Variants in SAMMSON observed in about 807,000 individuals in gnomAD.
SAMMSON encodes long intergenic non-protein coding RNA 1212.
chr3:70,241,888 G>A (rs1430246248), intron 4 of SAMMSON, among the ~76,000 whole-genome samples: 3 of 152,184 alleles, frequency 2.0e-5, no homozygotes, highest in African/African-American at 7.2e-5. Flanking sequence ...GGCTTAGAAC[G>A]AAGGTTTGCC....
chr3:70,358,594 TGTTA>T (rs1702846849), intron 9 of SAMMSON, among the ~76,000 whole-genome samples: 1 of 152,138 alleles, frequency 6.6e-6, no homozygotes, highest in Admixed American at 6.6e-5. Flanking sequence ...ATATAGGAGT[TGTTA>T]GTCATGTTAG....
intron 4 of SAMMSON, among the ~76,000 whole-genome samples, chr3:70,202,886 T>A (rs551078243): frequency 2.2e-4 from 34 of 151,828 alleles, no homozygotes; most frequent in Non-Finnish European, 4.7e-4. Context: ...TTAATTAGAG[T>A]GGAAAAGGTG....
At chr3:70,253,354 G>T (rs966991099) in intron 6 of SAMMSON, among the ~76,000 whole-genome samples, 9 of 152,142 alleles carry the variant, frequency 5.9e-5, no homozygotes, top group Admixed American at 5.9e-4. Context: ...CAAGGTGGGG[G>T]ATAAATGTGC....
At chr3:70,382,111 A>G (rs1210281953) in intron 9 of SAMMSON, among the ~76,000 whole-genome samples, 1 of 152,158 alleles carries the variant, frequency 6.6e-6, no homozygotes, top group Non-Finnish European at 1.5e-5. Context: ...CATGAAATAC[A>G]TATGGAAGAT....
intron 3 of SAMMSON, among the ~76,000 whole-genome samples, chr3:70,032,486 A>G (rs1217663331): frequency 6.6e-6 from 1 of 152,208 alleles, no homozygotes; most frequent in African/African-American, 2.4e-5. Flanking sequence ...AGTATTTCTT[A>G]AATTACAAAG....
At chr3:70,170,157 A>G (rs755901113) in intron 4 of SAMMSON, among the ~76,000 whole-genome samples, 1 of 152,092 alleles carries the variant, frequency 6.6e-6, no homozygotes, top group Non-Finnish European at 1.5e-5. Flanking sequence ...TAGTTAAATC[A>G]ATACCCAGAT....
At chr3:70,132,399 A>G (rs2067486158) in intron 4 of SAMMSON, among the ~76,000 whole-genome samples, 1 of 152,188 alleles carries the variant, frequency 6.6e-6, no homozygotes, top group African/African-American at 2.4e-5. Context: ...AACATGAGGT[A>G]CATGCTGTGT....
At chr3:70,040,717 C>T (rs1052418488) in intron 3 of SAMMSON, among the ~76,000 whole-genome samples, 5 of 152,046 alleles carry the variant, frequency 3.3e-5, no homozygotes, top group African/African-American at 1.2e-4. Context: ...CCAATGTGTC[C>T]AGTGAGCCTC....
intron 7 of SAMMSON, among the ~76,000 whole-genome samples, chr3:70,313,540 CAGAA>C (rs1381583701): frequency 1.3e-5 from 2 of 151,058 alleles, no homozygotes; most frequent in Admixed American, 6.6e-5. Context: ...AGATTAAAAA[CAGAA>C]AGCATAACCC....
rs114405357 is a variant in SAMMSON, at chr3:70,248,494, A to G, written n.508-613A>G. ...AGGAAATGGAACTTGAAAAGTAGGC[A>G]TAGCTCAGAACTTGGAGGCTCATAT... On this transcript the variant is annotated intron_variant and non_coding_transcript_variant, in intron 4 of 9. Transcript: ENST00000642114. 5.5e-3 allele frequency among the ~76,000 whole-genome samples: 831 copies of G among 152,228 alleles called. 8 individuals carry two copies. The highest frequency in any genetic ancestry group is 0.017 in the African/African-American group (711 of 41,558).
intron 2 of SAMMSON, among the ~76,000 whole-genome samples, chr3:70,013,321 C>T (rs2066966688): frequency 6.6e-6 from 1 of 152,064 alleles, no homozygotes; most frequent in Admixed American, 6.5e-5. Flanking sequence ...AGAGTAGCCT[C>T]CTCAAAGGTT....
chr3:70,004,633 A>G (rs2107574446), intron 1 of SAMMSON, among the ~76,000 whole-genome samples: 1 of 152,338 alleles, frequency 6.6e-6, no homozygotes, highest in Middle Eastern at 3.4e-3. Flanking sequence ...AACATTTACA[A>G]CATTTTTTAA....
At chr3:70,085,500 G>T (rs1057466434) in intron 4 of SAMMSON, among the ~76,000 whole-genome samples, 1 of 152,214 alleles carries the variant, frequency 6.6e-6, no homozygotes, top group Non-Finnish European at 1.5e-5. Flanking sequence ...TGCTCAGTGG[G>T]ACTACTTTGA....
At chr3:70,141,079 C>T (rs528404751) in intron 4 of SAMMSON, among the ~76,000 whole-genome samples, 9 of 152,214 alleles carry the variant, frequency 5.9e-5, no homozygotes, top group South Asian at 2.1e-4. Context: ...CCAGCCTCAA[C>T]GCATTACCCA....
In SAMMSON at chr3:70,179,061, T is replaced by G. The variant is rs149614185; in HGVS notation, n.508-70046T>G. Among the ~76,000 whole-genome samples, 300 of 152,244 alleles carry G rather than the reference T, an allele frequency of 2.0e-3. 3 individuals carry two copies. Among genetic ancestry groups the G allele is most frequent in the African/African-American group, 6.9e-3 (286 of 41,552 alleles). On this transcript the variant is annotated intron_variant and non_coding_transcript_variant, in intron 4 of 9. Coordinates refer to ENST00000642114, the Ensembl canonical transcript of SAMMSON. ...TTTATAACTGATCAGTTTCATTTTA[T>G]ATTTTTGCCTCTGGCATCACAATAA...
At chr3:70,173,713 T>A (rs1159971520) in intron 4 of SAMMSON, among the ~76,000 whole-genome samples, 1 of 152,014 alleles carries the variant, frequency 6.6e-6, no homozygotes, top group African/African-American at 2.4e-5. Context: ...TTTGTGTTTT[T>A]ACAGTCTTGT....
intron 4 of SAMMSON, among the ~76,000 whole-genome samples, chr3:70,174,139 A>G (rs1700986039): frequency 6.6e-6 from 1 of 151,886 alleles, no homozygotes; most frequent in Admixed American, 6.6e-5. Flanking sequence ...TTGTTTTTTG[A>G]CTAGAATTTT....
At chr3:70,203,474 A>C (rs559253751) in intron 4 of SAMMSON, among the ~76,000 whole-genome samples, 31 of 152,290 alleles carry the variant, frequency 2.0e-4, no homozygotes, top group African/African-American at 7.2e-4. Flanking sequence ...GATCTATTTA[A>C]GTTCAGACAA....
intron 1 of SAMMSON, among the ~76,000 whole-genome samples, chr3:70,001,299 C>A (rs2066904808): frequency 6.6e-6 from 1 of 151,980 alleles, no homozygotes; most frequent in Admixed American, 6.6e-5. Flanking sequence ...GAATTACATC[C>A]TTTATTCACT....
Sources: allele counts gnomAD v4.1 joint callset (sites outside exome capture counted in the v4.1 genomes callset), GRCh38; gene constraint gnomAD v4.1.1; transcripts MANE v1.5; gene names NCBI Gene and HGNC (gene_info 2026-07-23, HGNC 2026-07-21).